Variants in TGFA observed in about 807,000 individuals in gnomAD.
TGFA encodes protransforming growth factor alpha.
A neutral mutation model predicts 21.7 loss-of-function variants in TGFA; 12 were observed. That is an observed-to-expected ratio of 0.55 (90% CI 0.35 to 0.90). The LOEUF (loss-of-function observed/expected upper bound fraction) is 0.90. Among genes scored for constraint, TGFA ranks in the 40% least tolerant of loss-of-function variants. The pLI, the probability that TGFA is intolerant of heterozygous loss-of-function variation, is 0.01. For synonymous variants in TGFA, 79 were observed against 88.1 expected, an observed-to-expected ratio of 0.90 and a Z score of 0.58; for missense variants, 178 against 210.8, an observed-to-expected ratio of 0.84 and a Z score of 0.96.
chr2:70,527,777 T>C (rs1355534915), intron 1 of TGFA, among the ~76,000 whole-genome samples: 1 of 152,214 alleles, frequency 6.6e-6, no homozygotes, highest in East Asian at 1.9e-4. Flanking sequence ...CTAAAGCTAC[T>C]CTAAAAAAGT....
At chr2:70,480,728 T>G (rs1464842373) in intron 2 of TGFA, among the ~76,000 whole-genome samples, 2 of 152,164 alleles carry the variant, frequency 1.3e-5, no homozygotes, top group Non-Finnish European at 2.9e-5. Flanking sequence ...CATCAGCTAG[T>G]ATTTTTGCAT....
chr2:70,473,687 G>GA (rs1380049877), intron 2 of TGFA, among the ~76,000 whole-genome samples: 1 of 150,094 alleles, frequency 6.7e-6, no homozygotes, highest in Non-Finnish European at 1.5e-5. Flanking sequence ...TTAGAGGGGG[G>GA]TGTGTGGGAT....
At chr2:70,502,400 C>CA (rs553598550) in intron 2 of TGFA, among the ~76,000 whole-genome samples, 235 of 152,268 alleles carry the variant, frequency 1.5e-3, no homozygotes, top group African/African-American at 5.4e-3. Context: ...AGTGCAATGG[C>CA]ATGATCTAGG....
intron 1 of TGFA, among the ~76,000 whole-genome samples, chr2:70,543,109 A>G (rs1421972538): frequency 1.3e-5 from 2 of 152,180 alleles, no homozygotes; most frequent in South Asian, 2.1e-4. Flanking sequence ...ACCTAAAAAA[A>G]ATAAAAAGAA....
At chr2:70,480,376 TG>T (rs777619770) in intron 2 of TGFA, among the ~76,000 whole-genome samples, 1 of 152,154 alleles carries the variant, frequency 6.6e-6, no homozygotes, top group Non-Finnish European at 1.5e-5. Flanking sequence ...GAGGAGTGAT[TG>T]TTGGACTAGG....
chr2:70,505,957 T>C (rs942676853), intron 2 of TGFA, among the ~76,000 whole-genome samples: 3 of 152,222 alleles, frequency 2.0e-5, no homozygotes, highest in Non-Finnish European at 4.4e-5. Flanking sequence ...GAGAGCCTGC[T>C]TGTGGGGACA....
chr2:70,520,985 G>A (rs879996069), intron 1 of TGFA, among the ~76,000 whole-genome samples: 3 of 151,760 alleles, frequency 2.0e-5, no homozygotes, highest in South Asian at 2.1e-4. Context: ...CCTCCACACC[G>A]TCCATCCTAT....
chr2:70,447,495 ATATT>A lies in TGFA; in HGVS notation c.*3360_*3363del, dbSNP rs1669916076. 6.5e-6 allele frequency: 1 copy of A among 152,680 alleles called. No homozygotes were observed. The highest frequency in any genetic ancestry group is 1.5e-5 in the Non-Finnish European group (1 of 68,048). The allele number at this position is 152,680 out of a possible 1,614,324, so 9.5% of individuals were successfully genotyped here. A position where few individuals can be genotyped will look rare whatever the true frequency, so the allele number is the denominator to read the frequency against. The stretch of plus-strand genomic sequence containing the variant: ...CACACAAAATAAATTAAAACATTAA[ATATT>A]AACCTTTTCAGTGCAACATATACAG... On this transcript the variant is annotated 3_prime_UTR_variant, in exon 6 of 6. Coordinates refer to ENST00000295400, the MANE Select transcript of TGFA (RefSeq NM_003236.4).
intron 1 of TGFA, among the ~76,000 whole-genome samples, chr2:70,536,998 CTTTT>C (rs35098749): frequency 7.3e-6 from 1 of 136,804 alleles, no homozygotes; most frequent in South Asian, 2.4e-4. Flanking sequence ...TTTTCTTTTT[CTTTT>C]TTTTTTTTTT....
At chr2:70,516,855 C>G (rs1553501650) in intron 1 of TGFA, among the ~76,000 whole-genome samples, 1 of 145,812 alleles carries the variant, frequency 6.9e-6, no homozygotes, top group African/African-American at 2.7e-5. Flanking sequence ...GGAAGCGTGA[C>G]TTGCCTGTCA....
rs1258613999 is a variant in TGFA, at chr2:70,449,929, A to G, written c.*930T>C. On this transcript the variant is annotated 3_prime_UTR_variant, in exon 6 of 6. Coordinates refer to ENST00000295400, the MANE Select transcript of TGFA (RefSeq NM_003236.4). ...CACACACTCTTCCTCTCTCCCCAAC[A>G]GAGGGGACAGATCCCTGCTGATGGA... The G allele has an allele frequency of 3.3e-5, 5 of 152,460 alleles. No homozygotes were observed. The highest frequency in any genetic ancestry group is 1.2e-4 in the African/African-American group (5 of 41,458). 9.4% of individuals were successfully genotyped at this position (152,460 alleles called of 1,614,324 possible).
intron 2 of TGFA, among the ~76,000 whole-genome samples, chr2:70,495,732 G>A (rs1553498248): frequency 6.6e-6 from 1 of 152,114 alleles, no homozygotes; most frequent in Non-Finnish European, 1.5e-5. Context: ...TCTTTTAAGT[G>A]TATAATATCA....
intron 1 of TGFA, among the ~76,000 whole-genome samples, chr2:70,523,857 C>G (rs1290503503): frequency 6.6e-6 from 1 of 152,184 alleles, no homozygotes; most frequent in Non-Finnish European, 1.5e-5. Context: ...GTGCCCAGAA[C>G]TGACACCACA....
intron 2 of TGFA, among the ~76,000 whole-genome samples, chr2:70,503,610 G>A (rs1452888313): frequency 6.6e-6 from 1 of 151,122 alleles, no homozygotes. Context: ...CTTGCCTAAG[G>A]TCATAGTCCC....
intron 2 of TGFA, among the ~76,000 whole-genome samples, chr2:70,484,764 G>T (rs1671222661): frequency 6.6e-6 from 1 of 152,110 alleles, no homozygotes; most frequent in Non-Finnish European, 1.5e-5. Flanking sequence ...GAGTCATCTG[G>T]GTTACTGTTC....
intron 1 of TGFA, among the ~76,000 whole-genome samples, chr2:70,547,485 G>C (rs1553506079): frequency 6.6e-6 from 1 of 150,376 alleles, no homozygotes; most frequent in Admixed American, 6.6e-5. Flanking sequence ...AGAGGTTGCA[G>C]TGAGCCTAGA....
chr2:70,524,509 T>C (rs1553502724), intron 1 of TGFA, among the ~76,000 whole-genome samples: 2 of 152,194 alleles, frequency 1.3e-5, no homozygotes, highest in African/African-American at 4.8e-5. Flanking sequence ...CGCCGAGCCC[T>C]CTCGGGCTGG....
chr2:70,485,565 CTG>C (rs1671248784), intron 2 of TGFA, among the ~76,000 whole-genome samples: 1 of 152,176 alleles, frequency 6.6e-6, no homozygotes, highest in African/African-American at 2.4e-5. Flanking sequence ...CCTCTGAAGA[CTG>C]AGAATCAATC....
In TGFA at chr2:70,510,455, T is replaced by C. The variant is rs557522883; in HGVS notation, c.94+4404A>G. ...CTACCAATCCATCAGTGTGTGGTCA[T>C]GTGAAAAACCTCACAGGCCACTTCT... On this transcript the variant is annotated intron_variant, in intron 2 of 5. Coordinates refer to ENST00000295400, the MANE Select transcript of TGFA (RefSeq NM_003236.4). Among the ~76,000 whole-genome samples, 17 of 152,290 alleles carry C rather than the reference T, an allele frequency of 1.1e-4. No homozygotes were observed. The East Asian group carries it at 3.1e-3, about 28-fold the overall frequency.
Sources: allele counts gnomAD v4.1 joint callset (sites outside exome capture counted in the v4.1 genomes callset), GRCh38; gene constraint gnomAD v4.1.1; transcripts MANE v1.5; gene names NCBI Gene and HGNC (gene_info 2026-07-23, HGNC 2026-07-21).